The following HERC1 variants were observed in gnomAD, a reference collection of about 807,000 sequenced individuals.
The protein encoded by HERC1 is HECT and RLD domain containing E3 ubiquitin protein ligase family member 1.
HERC1 carries 160 observed loss-of-function variants against 554.3 expected under a neutral mutation model. The observed-to-expected ratio is 0.29, with a 90% CI of 0.25 to 0.33. The LOEUF is 0.33. Among genes scored for constraint, HERC1 ranks in the 10% least tolerant of loss-of-function variants. The probability of loss-of-function intolerance (pLI) is 1.00; values close to 1 mark genes in which losing one functional copy is unlikely to be tolerated. For synonymous variants in HERC1, 2,175 were observed against 2,131.7 expected, an observed-to-expected ratio of 1.02 and a Z score of -0.56; for missense variants, 4,919 against 5,918.5, an observed-to-expected ratio of 0.83 and a Z score of 5.54.
rs899167343 is a variant in HERC1 at position 63,626,229 on chromosome 15, G to A, written c.13106-75C>T. ...CTTTTCACATTTTGAAAAATTTCAA[G>A]CATACAGAGAAGTTGAGATAATTAC... On this transcript the variant is annotated intron_variant, in intron 70 of 77. Coordinates refer to ENST00000443617, the MANE Select transcript of HERC1 (RefSeq NM_003922.4). The A allele has an allele frequency of 4.9e-6, 7 of 1,438,434 alleles. No individual in the cohort carries two copies. The African/African-American group carries it at 9.9e-5, about 20-fold the overall frequency. The allele number at this position is 1,438,434 out of a possible 1,614,324, so 89.1% of individuals were successfully genotyped here.
rs1313252908 is a variant in HERC1, at chr15:63,712,881, G to C, written c.4478C>G (p.Thr1493Ser). The C allele has an allele frequency of 6.2e-7, 1 of 1,612,928 alleles. No individual in the cohort carries two copies. The highest frequency in any genetic ancestry group is 1.7e-5 in the Admixed American group (1 of 59,896). Residue 1493 changes from threonine to serine, a missense_variant, in exon 24 of 78, where the codon ACT (threonine) becomes AGT (serine). Physicochemically the swap from Thr to Ser is moderately conservative, Grantham distance 58 (BLOSUM62 1). This residue lies in a region of HERC1 where 1,121 missense variants were observed against 1,244.0 expected (regional missense o/e 0.90). Transcript: ENST00000443617. ...TGTGTGGACTAGCCGGCTCTCTGCAGTAAGACTTTCACTCCTGTCTCACAT... is the reference window on the plus strand; with the variant it reads ...TGTGTGGACTAGCCGGCTCTCTGCACTAAGACTTTCACTCCTGTCTCACAT... The part of the protein sequence containing the change: ...GGLMTRSESL[T>S]AESRLVHTSP...
chr15:63,632,111 A>G (rs4344682), intron 68 of HERC1, among the ~76,000 whole-genome samples: 76,370 of 151,960 alleles, frequency 0.5, 20,274 homozygotes, highest in Non-Finnish European at 0.58. Flanking sequence ...AACTAAAACT[A>G]AATTCCTTAC....
At chr15:63,620,218 A>C (rs1434017539) in intron 74 of HERC1, among the ~76,000 whole-genome samples, 1 of 152,174 alleles carries the variant, frequency 6.6e-6, no homozygotes, top group African/African-American at 2.4e-5. Context: ...GGTTTCAAAG[A>C]ACATCTTCAT....
intron 5 of HERC1, among the ~76,000 whole-genome samples, chr15:63,755,785 A>C (rs1005351720): frequency 6.6e-6 from 1 of 152,182 alleles, no homozygotes; most frequent in Non-Finnish European, 1.5e-5. Context: ...TAACAAAAAA[A>C]GAAAGAAAGA....
chr15:63,728,436 A>G (rs1209055513), intron 16 of HERC1, among the ~76,000 whole-genome samples: 1 of 152,224 alleles, frequency 6.6e-6, no homozygotes, highest in African/African-American at 2.4e-5. Context: ...GTTTGAAAAT[A>G]TTTTAGTTGC....
rs753471485 is a variant in HERC1, at chr15:63,774,793, A to C, written c.831T>G (p.Val277=). The C allele has an allele frequency of 6.2e-7, 1 of 1,614,008 alleles. No homozygotes were observed. The highest frequency in any genetic ancestry group is 8.5e-7 in the Non-Finnish European group (1 of 1,179,886). The change falls in exon 2 of 78, where the codon GTT becomes GTG. Residue 277 remains valine, a synonymous_variant. Coordinates refer to ENST00000443617, the MANE Select transcript of HERC1 (RefSeq NM_003922.4). The part of the protein sequence containing the change: ...WIEMALGASA[V]VHTMEKGKLL... ...GTTTGCCTTTCTCCATGGTGTGTAC[A>C]ACTGCCGAAGCCCCCAAAGCCATTT...
At chr15:63,820,793 T>C (rs1187669421) in intron 1 of HERC1, among the ~76,000 whole-genome samples, 1 of 152,176 alleles carries the variant, frequency 6.6e-6, no homozygotes, top group Non-Finnish European at 1.5e-5. Flanking sequence ...GCTAGGACTA[T>C]AGGCATGCCA....
At chr15:63,811,735 G>C (rs916545750) in intron 1 of HERC1, among the ~76,000 whole-genome samples, 26 of 146,730 alleles carry the variant, frequency 1.8e-4, no homozygotes, top group African/African-American at 6.3e-4. Flanking sequence ...CGTGAACCCA[G>C]AAGGTGGAGC....
At chr15:63,821,523 T>G (rs1596326027) in intron 1 of HERC1, among the ~76,000 whole-genome samples, 1 of 137,568 alleles carries the variant, frequency 7.3e-6, no homozygotes, top group Admixed American at 7.9e-5. Flanking sequence ...ACCACTGCAC[T>G]CCAGCCTGGT....
intron 1 of HERC1, among the ~76,000 whole-genome samples, chr15:63,808,288 A>T (rs1476549688): frequency 6.6e-6 from 1 of 152,120 alleles, no homozygotes; most frequent in East Asian, 1.9e-4. Context: ...ACATCAACGT[A>T]CTTTTTCTTT....
intron 2 of HERC1, among the ~76,000 whole-genome samples, chr15:63,764,953 G>A (rs1443869962): frequency 1.3e-5 from 2 of 152,146 alleles, no homozygotes; most frequent in Non-Finnish European, 2.9e-5. Flanking sequence ...TGTTGCCAAG[G>A]CTGGAATTCA....
In HERC1 at chr15:63,824,459, G is replaced by A. The variant is rs371254434; in HGVS notation, c.-27+9368C>T. On this transcript the variant is annotated intron_variant, in intron 1 of 77. Coordinates refer to ENST00000443617, the MANE Select transcript of HERC1 (RefSeq NM_003922.4). ...CAAGGCAGGAGAATCACTTGAACCC[G>A]GGAGGCAGAGGTTGCAGTGAGCTGA... is the stretch of plus-strand genomic sequence containing the variant. Among the ~76,000 whole-genome samples the A allele has an allele frequency of 4.6e-5, 7 of 151,628 alleles. No individual in the cohort carries two copies. The East Asian group carries it at 5.8e-4, about 13-fold the overall frequency.
At chr15:63,669,165 CCA>C (rs1197128602) in intron 40 of HERC1, among the ~76,000 whole-genome samples, 2 of 152,126 alleles carry the variant, frequency 1.3e-5, no homozygotes, top group South Asian at 4.1e-4. Flanking sequence ...TCCAAATAGT[CCA>C]GAGGGCAAAG....
chr15:63,747,682 G>A (rs948304522), intron 11 of HERC1, 42 bp downstream of exon 11: 651 of 1,063,120 alleles, frequency 6.1e-4, no homozygotes, highest in Middle Eastern at 1.7e-3. Flanking sequence ...ACACGCGCGC[G>A]CACACACACA....
At chr15:63,832,868 C>T (rs74019054) in intron 1 of HERC1, among the ~76,000 whole-genome samples, 1,608 of 152,252 alleles carry the variant, frequency 0.011, 21 homozygotes, top group African/African-American at 0.037. Flanking sequence ...AAAATGTTAA[C>T]CATGAAATGC....
rs1195003890 is a variant in HERC1, at chr15:63,649,812, G to A, written c.10660C>T (p.Arg3554Trp). ...GESPELLLVGRMDGSLGLIEV... is the reference protein window; with the variant it reads ...GESPELLLVGWMDGSLGLIEV... ...ATCAGTCCCAGAGATCCATCCATCC[G>A]TCCCACCAACAACAATTCTGGAGAC... Residue 3554 changes from arginine (R) to tryptophan (W), a missense_variant, in exon 54 of 78, where the codon CGG (arginine) becomes TGG (tryptophan). By Grantham distance (101) the Arg-to-Trp change is moderately radical. Transcript: ENST00000443617. 1.9e-6 allele frequency: 3 copies of A among 1,613,352 alleles called. No individual in the cohort carries two copies. The highest frequency in any genetic ancestry group is 1.3e-5 in the African/African-American group (1 of 74,896).
intron 76 of HERC1, among the ~76,000 whole-genome samples, chr15:63,613,413 C>T (rs757660008): frequency 1.2e-4 from 18 of 152,096 alleles, no homozygotes; most frequent in Non-Finnish European, 2.4e-4. Context: ...TACAGTAGTG[C>T]ATACCCTACA....
At chr15:63,744,164 G>GTGTGTGTGTGTGTGTGTGTGTGTC in intron 12 of HERC1, among the ~76,000 whole-genome samples, 51 of 46,282 alleles carry the variant, frequency 1.1e-3, no homozygotes, top group Non-Finnish European at 1.3e-3. Context: ...GTGTGTGTGT[G>GTGTGTGTGTGTGTGTGTGTGTGTC]TCTCTCTCTC....
intron 12 of HERC1, among the ~76,000 whole-genome samples, chr15:63,743,263 CT>C (rs71131177): frequency 0.047 from 5,121 of 109,116 alleles, 317 homozygotes; most frequent in East Asian, 0.31. Context: ...TTTTCTTTTT[CT>C]TTTTTTTTTT....
Sources: gnomAD v4.1 joint callset for allele counts (sites outside exome capture counted in the v4.1 genomes callset) on GRCh38, gnomAD v4.1.1 for gene constraint, gnomAD v4.1.1 regional missense constraint, MANE v1.5 for transcripts, NCBI Gene and HGNC (gene_info 2026-07-23, HGNC 2026-07-21) for gene names.